ARHGAP24: variants seen among roughly 807,000 people sequenced by gnomAD.
The protein encoded by ARHGAP24 is rho GTPase-activating protein 24.
A neutral mutation model predicts 76.4 loss-of-function variants in ARHGAP24; 50 were observed. The ratio of observed to expected loss-of-function variants is 0.65; its 90% confidence interval spans 0.52 to 0.83. The LOEUF (loss-of-function observed/expected upper bound fraction) is 0.83. ARHGAP24 is among the 40% of genes least tolerant of loss of function. The probability of loss-of-function intolerance (pLI) is 0.00; values close to 1 mark genes in which losing one functional copy is unlikely to be tolerated. For synonymous variants in ARHGAP24, 345 were observed against 323.3 expected (o/e 1.07, Z -0.72); for missense variants, 930 against 914.2 (o/e 1.02, Z -0.22).
intron 2 of ARHGAP24, among the ~76,000 whole-genome samples, chr4:85,578,793 C>T (rs941371391): frequency 2.0e-5 from 3 of 152,030 alleles, no homozygotes; most frequent in Non-Finnish European, 4.4e-5. Flanking sequence ...CATCAGGATA[C>T]ATTAACACAG....
chr4:85,920,567 A>G (rs890760194), intron 3 of ARHGAP24, among the ~76,000 whole-genome samples: 7 of 152,218 alleles, frequency 4.6e-5, no homozygotes, highest in African/African-American at 1.7e-4. Flanking sequence ...GCACAGCAAA[A>G]GAAACTACCA....
chr4:85,913,631 G>T (rs1046308713), intron 3 of ARHGAP24, among the ~76,000 whole-genome samples: 1 of 152,172 alleles, frequency 6.6e-6, no homozygotes, highest in African/African-American at 2.4e-5. Flanking sequence ...ATTCACTGCT[G>T]TATCCTCAGA....
chr4:85,519,289 A>G (rs1254074710), intron 1 of ARHGAP24, among the ~76,000 whole-genome samples: 3 of 151,998 alleles, frequency 2.0e-5, no homozygotes, highest in Non-Finnish European at 4.4e-5. Flanking sequence ...ATTGTTCTAT[A>G]TATTTACTTT....
chr4:85,544,470 T>C (rs771272132), intron 1 of ARHGAP24, among the ~76,000 whole-genome samples: 7 of 152,094 alleles, frequency 4.6e-5, no homozygotes, highest in African/African-American at 7.2e-5. Flanking sequence ...TATTGTTCAA[T>C]AGGAACAAAA....
Position 86,000,521 on chromosome 4 carries a change from C to G in ARHGAP24, c.2046C>G (p.Ser682Arg). The G allele has an allele frequency of 6.3e-7, 1 of 1,581,374 alleles. No homozygotes were observed. The highest frequency in any genetic ancestry group is 1.1e-5 in the South Asian group (1 of 90,550). The change falls in exon 10 of 10, where the codon AGC (serine) becomes AGG (arginine). Residue 682 changes from serine (S) to arginine (R), a missense_variant. By Grantham distance (110) the Ser-to-Arg change is moderately radical. Transcript: ENST00000395184. The part of the protein sequence containing the change: ...RNLTLETEMM[S>R]LHDELDQERK... ...TGACTTTGGAAACAGAAATGATGAG[C>G]CTCCATGATGAACTGGATCAGGAGA...
chr4:85,538,025 G>GA (rs397798210), intron 1 of ARHGAP24, among the ~76,000 whole-genome samples: 18,535 of 143,832 alleles, frequency 0.13, 3,187 homozygotes, highest in African/African-American at 0.4. Flanking sequence ...AGCAATCCAA[G>GA]AAAAAAAAAA....
chr4:85,810,457 C>T (rs1436327928), intron 3 of ARHGAP24, among the ~76,000 whole-genome samples: 1 of 152,138 alleles, frequency 6.6e-6, no homozygotes, highest in Non-Finnish European at 1.5e-5. Context: ...GATTCTGGGG[C>T]CAGACAACCT....
chr4:85,700,178 T>A (rs1724023980), intron 2 of ARHGAP24, among the ~76,000 whole-genome samples: 1 of 152,054 alleles, frequency 6.6e-6, no homozygotes, highest in Admixed American at 6.6e-5. Flanking sequence ...GTGAATCACC[T>A]GAGGTCAGGA....
At chr4:85,885,241 G>C (rs1233810851) in intron 3 of ARHGAP24, among the ~76,000 whole-genome samples, 1 of 152,122 alleles carries the variant, frequency 6.6e-6, no homozygotes, top group East Asian at 1.9e-4. Flanking sequence ...TATTTTGAGT[G>C]CTATATAACT....
chr4:85,732,593 AC>A (rs1390489531), intron 3 of ARHGAP24, among the ~76,000 whole-genome samples: 1 of 151,908 alleles, frequency 6.6e-6, no homozygotes, highest in Non-Finnish European at 1.5e-5. Flanking sequence ...TTTAAAATGG[AC>A]CTTATCTTTA....
At chr4:85,679,018 G>T (rs771629955) in intron 2 of ARHGAP24, among the ~76,000 whole-genome samples, 9 of 152,122 alleles carry the variant, frequency 5.9e-5, no homozygotes, top group Non-Finnish European at 1.2e-4. Context: ...CAGGAGTCAC[G>T]CAAAATATAA....
At chr4:85,540,327 C>A (rs1023219905) in intron 1 of ARHGAP24, among the ~76,000 whole-genome samples, 2 of 151,934 alleles carry the variant, frequency 1.3e-5, no homozygotes, top group African/African-American at 4.8e-5. Context: ...ACCCAGAGGC[C>A]TATTTTAAAC....
At chr4:85,823,672 A>C (rs1377655839) in intron 3 of ARHGAP24, among the ~76,000 whole-genome samples, 3 of 152,174 alleles carry the variant, frequency 2.0e-5, no homozygotes, top group Non-Finnish European at 4.4e-5. Flanking sequence ...GGGAGGGGGT[A>C]CAATTATACT....
intron 1 of ARHGAP24, among the ~76,000 whole-genome samples, chr4:85,511,261 G>GA (rs1284750942): frequency 6.6e-6 from 1 of 152,106 alleles, no homozygotes; most frequent in East Asian, 1.9e-4. Flanking sequence ...TAATAAAATT[G>GA]AAAAATTATA....
At chr4:85,872,772 A>T (rs1732615650) in intron 3 of ARHGAP24, among the ~76,000 whole-genome samples, 1 of 143,060 alleles carries the variant, frequency 7.0e-6, no homozygotes, top group Admixed American at 7.0e-5. Flanking sequence ...TAACTTTTGT[A>T]TTTTTTTTTG....
chr4:85,735,866 T>C, intron 3 of ARHGAP24, among the ~76,000 whole-genome samples: 1 of 152,188 alleles, frequency 6.6e-6, no homozygotes, highest in Non-Finnish European at 1.5e-5. Context: ...GTGATATTTT[T>C]TATATTCAAG....
intron 2 of ARHGAP24, among the ~76,000 whole-genome samples, chr4:85,628,036 A>T (rs1721027586): frequency 6.6e-6 from 1 of 152,128 alleles, no homozygotes. Context: ...AGGTGAGGTG[A>T]TGCCTCGCCC....
chr4:85,949,440 A>G (rs1347792322), intron 5 of ARHGAP24, among the ~76,000 whole-genome samples: 4 of 152,230 alleles, frequency 2.6e-5, no homozygotes, highest in East Asian at 3.8e-4. Flanking sequence ...GCTACAATTT[A>G]GTGAAGCTGC....
At chr4:85,831,285 A>G (rs1051897106) in intron 3 of ARHGAP24, among the ~76,000 whole-genome samples, 1 of 152,160 alleles carries the variant, frequency 6.6e-6, no homozygotes, top group African/African-American at 2.4e-5. Flanking sequence ...CAGTAAGACA[A>G]TGTAATTACA....
Sources: gnomAD v4.1 joint callset for allele counts (sites outside exome capture counted in the v4.1 genomes callset) on GRCh38, gnomAD v4.1.1 for gene constraint, MANE v1.5 for transcripts, NCBI Gene and HGNC (gene_info 2026-07-23, HGNC 2026-07-21) for gene names.